Variants in ZFHX4 observed in about 807,000 individuals in gnomAD.
ZFHX4 encodes the protein zinc finger homeobox protein 4.
A neutral mutation model predicts 267.6 loss-of-function variants in ZFHX4; 56 were observed. The observed-to-expected ratio is 0.21, with a 90% confidence interval of 0.17 to 0.26. The LOEUF (loss-of-function observed/expected upper bound fraction) is 0.26, where lower values mean the gene tolerates loss of function less well. Ranked by LOEUF, ZFHX4 falls within the 10% of genes least tolerant of loss-of-function variation. ZFHX4 has a pLI of 1.00. For missense variants in ZFHX4, 4,332 were observed against 4,420.0 expected, an observed-to-expected ratio of 0.98 and a Z score of 0.56; for synonymous variants, 1,778 against 1,665.6, an observed-to-expected ratio of 1.07 and a Z score of -1.64.
intron 3 of ZFHX4, among the ~76,000 whole-genome samples, chr8:76,726,583 CT>C (rs1424070207): frequency 2.0e-5 from 3 of 152,070 alleles, no homozygotes; most frequent in Non-Finnish European, 4.4e-5. Flanking sequence ...ATTTAAATGA[CT>C]TTTTATATTT....
intron 3 of ZFHX4, among the ~76,000 whole-genome samples, chr8:76,731,884 A>ATTG (rs1318872658): frequency 1.3e-5 from 2 of 149,438 alleles, no homozygotes; most frequent in South Asian, 2.1e-4. Context: ...TATTATTATT[A>ATTG]TTATTATTTT....
At position 76,864,412 on chromosome 8, in the gene ZFHX4, C is replaced by A. The variant is rs780978644; in HGVS notation, c.10698C>A (p.Thr3566=). The part of the protein sequence containing the change: ...SSLCSTSGVQ[T]SLPTESCSDE... Reference sequence around the variant, plus strand: ...TGTGCAGCACCTCAGGGGTTCAAACCTCACTACCCACAGAAAGTTGTTCAG... The same window carrying A: ...TGTGCAGCACCTCAGGGGTTCAAACATCACTACCCACAGAAAGTTGTTCAG... The change falls in exon 11 of 11, where the codon ACC becomes ACA. Residue 3566 remains threonine, a synonymous_variant. Coordinates refer to ENST00000651372, the MANE Select transcript of ZFHX4 (RefSeq NM_024721.5). The A allele has an allele frequency of 3.7e-6, 6 of 1,613,734 alleles. No homozygotes were observed. Among genetic ancestry groups the A allele is most frequent in the Non-Finnish European group, 5.1e-6 (6 of 1,179,842 alleles).
intron 3 of ZFHX4, among the ~76,000 whole-genome samples, chr8:76,754,528 A>T (rs1809713184): frequency 6.6e-6 from 1 of 152,128 alleles, no homozygotes; most frequent in Non-Finnish European, 1.5e-5. Context: ...GTTACACAGC[A>T]TACATTTTTT....
intron 1 of ZFHX4, among the ~76,000 whole-genome samples, chr8:76,702,054 G>T (rs78317224): frequency 0.033 from 5,097 of 152,202 alleles, 239 homozygotes; most frequent in East Asian, 0.24. Flanking sequence ...ATTGGCAAAT[G>T]CAAAGATAAA....
intron 3 of ZFHX4, among the ~76,000 whole-genome samples, chr8:76,758,444 A>C (rs2131723832): frequency 6.6e-6 from 1 of 152,266 alleles, no homozygotes; most frequent in East Asian, 1.9e-4. Context: ...CCTCTCAGCC[A>C]TGATTGGGTT....
chr8:76,733,753 A>G (rs1809083043), intron 3 of ZFHX4, among the ~76,000 whole-genome samples: 1 of 152,094 alleles, frequency 6.6e-6, no homozygotes, highest in African/African-American at 2.4e-5. Context: ...CAAGTGTTTT[A>G]GTATCATGGT....
intron 3 of ZFHX4, among the ~76,000 whole-genome samples, chr8:76,742,213 C>T (rs1233155168): frequency 6.6e-6 from 1 of 152,204 alleles, no homozygotes; most frequent in Non-Finnish European, 1.5e-5. Flanking sequence ...CAAAGACCCA[C>T]ACCAAATTCC....
Position 76,681,423 on chromosome 8 carries a change from C to T in ZFHX4, c.-244C>T. 2.5e-6 allele frequency: 1 copy of T among 398,808 alleles called. No homozygotes were observed. The highest frequency in any genetic ancestry group is 4.4e-6 in the Non-Finnish European group (1 of 226,032). 24.7% of individuals were successfully genotyped at this position (398,808 alleles called of 1,614,324 possible). On this transcript the variant is annotated 5_prime_UTR_variant, in exon 1 of 11. Transcript: ENST00000651372. ...ACATGCTTTAACTCCTCCCGGACCCCCGAGGACCGCTCCATGCCCCCCACT... is the reference window on the plus strand; with the variant it reads ...ACATGCTTTAACTCCTCCCGGACCCTCGAGGACCGCTCCATGCCCCCCACT...
chr8:76,719,880 T>C (rs750261779), intron 3 of ZFHX4, among the ~76,000 whole-genome samples: 1 of 152,166 alleles, frequency 6.6e-6, no homozygotes, highest in Non-Finnish European at 1.5e-5. Flanking sequence ...AAAGCAGTTC[T>C]GCATTAGAAA....
intron 3 of ZFHX4, among the ~76,000 whole-genome samples, chr8:76,744,146 GA>G (rs1441050821): frequency 8.6e-5 from 13 of 151,976 alleles, no homozygotes; most frequent in Non-Finnish European, 4.4e-5. Flanking sequence ...AGGAGTTCGA[GA>G]CCAGCCTGAC....
intron 4 of ZFHX4, among the ~76,000 whole-genome samples, chr8:76,816,225 G>T (rs951082779): frequency 6.6e-6 from 1 of 152,156 alleles, no homozygotes; most frequent in East Asian, 1.9e-4. Context: ...ATTTATATAG[G>T]TTGAGTGGAA....
At chr8:76,751,327 C>A (rs1809608810) in intron 3 of ZFHX4, among the ~76,000 whole-genome samples, 1 of 152,052 alleles carries the variant, frequency 6.6e-6, no homozygotes, top group Non-Finnish European at 1.5e-5. Context: ...TGTGGGTTAG[C>A]CTAGCAGTGA....
At chr8:76,787,277 G>A (rs1810716361) in intron 4 of ZFHX4, among the ~76,000 whole-genome samples, 2 of 152,182 alleles carry the variant, frequency 1.3e-5, no homozygotes, top group South Asian at 4.2e-4. Context: ...CCCAGATAAG[G>A]TAGCTAATAC....
chr8:76,733,670 G>C (rs780891626), intron 3 of ZFHX4, among the ~76,000 whole-genome samples: 14 of 152,138 alleles, frequency 9.2e-5, no homozygotes, highest in Admixed American at 2.6e-4. Flanking sequence ...TTCATATGCT[G>C]TTCCTTCTTT....
Position 76,855,788 on chromosome 8 carries a change from T to C in ZFHX4, c.8867T>C (p.Met2956Thr), listed in dbSNP as rs772101118. 1.2e-6 allele frequency: 2 copies of C among 1,613,862 alleles called. No individual in the cohort carries two copies. The highest frequency in any genetic ancestry group is 1.7e-6 in the Non-Finnish European group (2 of 1,179,862). ...ACFSDYRTPT[M>T]QECEMLGNEI... ...TTTAGTGACTACCGAACTCCAACCA[T>C]GCAAGAATGTGAAATGTTAGGGAAT... Residue 2956 changes from methionine (M) to threonine (T), a missense_variant, in exon 10 of 11, where the codon ATG (methionine) becomes ACG (threonine). By Grantham distance (81) the Met-to-Thr change is moderately conservative. Transcript: ENST00000651372.
At chr8:76,792,881 A>G (rs1417385619) in intron 4 of ZFHX4, among the ~76,000 whole-genome samples, 3 of 152,146 alleles carry the variant, frequency 2.0e-5, no homozygotes, top group Non-Finnish European at 2.9e-5. Flanking sequence ...GGCCAGCTCT[A>G]CATCACATCA....
intron 4 of ZFHX4, among the ~76,000 whole-genome samples, chr8:76,802,936 G>T (rs963940500): frequency 6.6e-6 from 1 of 152,082 alleles, no homozygotes; most frequent in South Asian, 2.1e-4. Flanking sequence ...AAAATAATAA[G>T]AAATCCTTTA....
At chr8:76,778,020 A>G (rs1802639667) in intron 3 of ZFHX4, among the ~76,000 whole-genome samples, 188 bp from the exon 4 acceptor site, 1 of 152,128 alleles carries the variant, frequency 6.6e-6, no homozygotes, top group Non-Finnish European at 1.5e-5. Context: ...AGATTTACAC[A>G]TTATTTTAAA....
At position 76,706,066 on chromosome 8, in the gene ZFHX4, G is replaced by A; in HGVS notation, c.1978G>A (p.Glu660Lys). ...NWHYKYQQTL[E>K]AHMKEKHPEP... is the part of the protein sequence containing the mutation. ...GCACTACAAATATCAGCAGACCCTG[G>A]AGGCCCATATGAAGGAGAAACACCC... The change falls in exon 2 of 11, where the codon GAG becomes AAG. Residue 660 changes from glutamate to lysine, a missense_variant. Transcript: ENST00000651372. 6.2e-7 allele frequency: 1 copy of A among 1,613,706 alleles called. No homozygotes were observed. Among genetic ancestry groups the A allele is most frequent in the Non-Finnish European group, 8.5e-7 (1 of 1,179,842 alleles).
Sources: allele counts gnomAD v4.1 joint callset (sites outside exome capture counted in the v4.1 genomes callset), GRCh38; gene constraint gnomAD v4.1.1; transcripts MANE v1.5; gene names NCBI Gene and HGNC (gene_info 2026-07-23, HGNC 2026-07-21).